SLC39A10: variants seen among roughly 807,000 people sequenced by gnomAD.
The protein encoded by SLC39A10 is zinc transporter ZIP10.
Under a neutral mutation model 65.1 loss-of-function variants are expected in SLC39A10, and 13 were observed. The ratio of observed to expected loss-of-function variants is 0.20; its 90% CI spans 0.13 to 0.32. The LOEUF is 0.32. SLC39A10 is among the 10% of genes least tolerant of loss of function. The probability of loss-of-function intolerance (pLI) is 1.00; values close to 1 mark genes in which losing one functional copy is unlikely to be tolerated. For synonymous variants in SLC39A10, 321 were observed against 342.2 expected (o/e 0.94, Z 0.68); for missense variants, 831 against 1,018.4 (o/e 0.82, Z 2.50).
Position 195,679,992 on chromosome 2 carries a change from G to A in SLC39A10, c.-11-40G>A, listed in dbSNP as rs1347994319. On this transcript the variant is annotated intron_variant, in intron 1 of 9. Coordinates refer to ENST00000359634, the MANE Select transcript of SLC39A10 (RefSeq NM_020342.3). ...ATTAGATTGTTTTGAATGTGTCTAG[G>A]TAGAAACTAATACTTGTCTCTCTCT... 3 of 1,496,182 alleles carry A rather than the reference G, an allele frequency of 2.0e-6. No homozygotes were observed. In the South Asian group the frequency reaches 4.1e-5, roughly 21 times the overall value. The allele number at this position is 1,496,182 out of a possible 1,614,324, so 92.7% of individuals were successfully genotyped here. A position where few individuals can be genotyped will look rare whatever the true frequency, so the allele number is the denominator to read the frequency against.
At chr2:195,708,330 T>C (rs1691482398) in intron 4 of SLC39A10, among the ~76,000 whole-genome samples, 1 of 152,238 alleles carries the variant, frequency 6.6e-6, no homozygotes. Context: ...ATTTGGCATG[T>C]AAGTAGATCA....
chr2:195,665,896 C>T (rs930640959), intron 1 of SLC39A10, among the ~76,000 whole-genome samples: 15 of 152,070 alleles, frequency 9.9e-5, no homozygotes, highest in Non-Finnish European at 1.3e-4. Flanking sequence ...CCAGTTTCTC[C>T]GTACAATTTT....
intron 8 of SLC39A10, among the ~76,000 whole-genome samples, chr2:195,723,539 T>G (rs1337553431): frequency 1.3e-5 from 2 of 152,120 alleles, no homozygotes; most frequent in Non-Finnish European, 2.9e-5. Context: ...AGTCTTGGAC[T>G]CCACCAGGGT....
chr2:195,690,004 T>A (rs1463537284), intron 3 of SLC39A10, among the ~76,000 whole-genome samples: 1 of 151,608 alleles, frequency 6.6e-6, no homozygotes, highest in East Asian at 1.9e-4. Context: ...TGGTGAAACC[T>A]CATTTCTACT....
chr2:195,679,975 GT>G (rs1284438808), intron 1 of SLC39A10, 56 bp from the exon 2 acceptor site: 1 of 1,406,102 alleles, frequency 7.1e-7, no homozygotes, highest in Non-Finnish European at 9.5e-7. Flanking sequence ...GAATTAGATT[GT>G]TTTGAATGTG....
intron 3 of SLC39A10, among the ~76,000 whole-genome samples, chr2:195,703,742 C>T (rs796225210): frequency 8.5e-5 from 13 of 152,218 alleles, no homozygotes; most frequent in African/African-American, 3.1e-4. Flanking sequence ...CAATCTCAGC[C>T]TCCCAGGCTC....
intron 1 of SLC39A10, 101 bp downstream of exon 1, chr2:195,657,382 A>G: frequency 2.0e-6 from 2 of 985,416 alleles, no homozygotes; most frequent in Non-Finnish European, 2.4e-6. Flanking sequence ...GTAGAAAGGG[A>G]GAACAGAACC....
At chr2:195,681,180 A>C (rs1690297432) in intron 2 of SLC39A10, 130 bp downstream of exon 2, 2 of 904,622 alleles carry the variant, frequency 2.2e-6, no homozygotes, top group African/African-American at 3.4e-5. Context: ...TACCTATGAA[A>C]TATCAGGTAA....
Position 195,709,193 on chromosome 2 carries a change from TTGTATGTATGTA to T in SLC39A10, c.1575+391_1575+402del, listed in dbSNP as rs59346406. ...GCACATGCCACCATGCCCAGCTAAC[TTGTATGTATGTA>T]TGTATGTATGTATGTATGTATGTAT... On this transcript the variant is annotated intron_variant, in intron 5 of 9. Transcript: ENST00000359634. 7.0e-3 allele frequency among the ~76,000 whole-genome samples: 1,015 copies of T among 145,020 alleles called. 15 individuals carry two copies. The highest frequency in any genetic ancestry group is 8.8e-3 in the African/African-American group (343 of 39,000).
At chr2:195,657,144 C>G (rs1402540162), upstream of SLC39A10, 3 of 154,336 alleles carry the variant, frequency 1.9e-5, no homozygotes, top group African/African-American at 7.2e-5. Flanking sequence ...ACCTTGTACG[C>G]CGCAAGCGTA....
intron 2 of SLC39A10, among the ~76,000 whole-genome samples, chr2:195,614,510 A>G (rs1688165589): frequency 6.6e-6 from 1 of 152,150 alleles, no homozygotes; most frequent in South Asian, 2.1e-4. Context: ...GCGCTCCACA[A>G]CCCTTACCCA....
At chr2:195,660,932 TA>T (rs1213375523) in intron 1 of SLC39A10, among the ~76,000 whole-genome samples, 7 of 152,200 alleles carry the variant, frequency 4.6e-5, no homozygotes, top group African/African-American at 1.7e-4. Flanking sequence ...AGCTTTTTTT[TA>T]AAATTCGAAT....
At chr2:195,682,384 C>T (rs1284041973) in intron 2 of SLC39A10, among the ~76,000 whole-genome samples, 3 of 152,208 alleles carry the variant, frequency 2.0e-5, no homozygotes, top group African/African-American at 7.2e-5. Flanking sequence ...CAGTTATAAA[C>T]ACTGATTTTA....
intron 1 of SLC39A10, among the ~76,000 whole-genome samples, chr2:195,663,953 CCTT>C (rs1574239155): frequency 1.3e-5 from 2 of 151,718 alleles, no homozygotes; most frequent in African/African-American, 2.4e-5. Flanking sequence ...TTTCCCTCCT[CCTT>C]CTCTCCCGTT....
At chr2:195,658,811 A>G (rs998237118) in intron 1 of SLC39A10, among the ~76,000 whole-genome samples, 1 of 56,718 alleles carries the variant, frequency 1.8e-5, no homozygotes, top group African/African-American at 3.3e-5. Context: ...TACTGGAAAC[A>G]TATAATATCA....
intron 3 of SLC39A10, among the ~76,000 whole-genome samples, chr2:195,694,324 A>G (rs202007721): frequency 0.012 from 1,834 of 152,158 alleles, 78 homozygotes; most frequent in Admixed American, 0.078. Context: ...CATTTGTTTT[A>G]GGGTATAGTT....
intron 1 of SLC39A10, chr2:195,657,653 C>A (rs1574228360): frequency 1.0e-6 from 1 of 983,968 alleles, no homozygotes; most frequent in Non-Finnish European, 1.2e-6. Flanking sequence ...GGGGAGTGAC[C>A]GCTGGGCGGG....
intron 1 of SLC39A10, among the ~76,000 whole-genome samples, chr2:195,660,931 T>A (rs553222413): frequency 1.1e-4 from 16 of 152,336 alleles, no homozygotes; most frequent in Admixed American, 5.9e-4. Flanking sequence ...GAGCTTTTTT[T>A]TAAAATTCGA....
rs200298311 is a variant in SLC39A10 at position 195,728,392 on chromosome 2, G to C, written c.2337+43G>C. ...TTTTTGTGGTACTAAACCTGCAAAT[G>C]AAAGAAATCCTTGGAAGTGGTTTGA... On this transcript the variant is annotated intron_variant, in intron 9 of 9. Transcript: ENST00000359634. This position sits in a 1 kb window ranked among gnomAD's most constrained non-coding sequence, Gnocchi z 4.4. The C allele has an allele frequency of 6.4e-5, 99 of 1,538,630 alleles. No individual in the cohort carries two copies. The highest frequency in any genetic ancestry group is 8.5e-5 in the Non-Finnish European group (96 of 1,132,358).
Sources: allele counts gnomAD v4.1 joint callset (sites outside exome capture counted in the v4.1 genomes callset), GRCh38; gene constraint gnomAD v4.1.1; non-coding constraint Gnocchi (gnomAD v3.1); transcripts MANE v1.5; gene names NCBI Gene and HGNC (gene_info 2026-07-23, HGNC 2026-07-21).